The following ANKRD11 variants were observed in gnomAD, a reference collection of about 807,000 sequenced individuals.
ANKRD11 encodes ankyrin repeat domain 11, also known as ankyrin repeat domain-containing protein 11.
A neutral mutation model predicts 195.7 loss-of-function variants in ANKRD11; 17 were observed. The observed-to-expected ratio is 0.09, with a 90% CI of 0.06 to 0.13. The LOEUF (loss-of-function observed/expected upper bound fraction) is 0.13. ANKRD11 is among the 10% of genes least tolerant of loss of function. The pLI is 1.00. For missense variants in ANKRD11, 3,735 were observed against 3,566.1 expected (o/e 1.05, Z -1.21); for synonymous variants, 1,953 against 1,528.1 (o/e 1.28, Z -6.49).
At position 89,490,427 on chromosome 16, in the gene ANKRD11, C is replaced by T; in HGVS notation, c.-327G>A. ...GCGGGAGGCGAGCCCGCCCCTCGGG[C>T]GCGCCCACGGCTCGGGCGAGAGCCG... On this transcript the variant is annotated 5_prime_UTR_variant, in exon 1 of 13. Transcript: ENST00000301030. 6.2e-6 allele frequency: 2 copies of T among 320,848 alleles called. No individual in the cohort carries two copies. The highest frequency in any genetic ancestry group is 2.2e-5 in the African/African-American group (1 of 45,478). 19.9% of individuals were successfully genotyped at this position (320,848 alleles called of 1,614,324 possible).
intron 4 of ANKRD11, chr16:89,300,565 T>C: frequency 2.8e-6 from 1 of 353,150 alleles, no homozygotes; most frequent in Non-Finnish European, 5.1e-6. Flanking sequence ...TTGTCGCCTC[T>C]AGCACTGGGC....
chr16:89,293,803 C>T (rs942441225), intron 4 of ANKRD11, among the ~76,000 whole-genome samples: 1 of 151,976 alleles, frequency 6.6e-6, no homozygotes, highest in African/African-American at 2.4e-5. Context: ...GTTTACATCC[C>T]GAAGTGCAGG....
At chr16:89,472,337 G>C (rs2057113099) in intron 1 of ANKRD11, among the ~76,000 whole-genome samples, 1 of 151,946 alleles carries the variant, frequency 6.6e-6, no homozygotes, top group South Asian at 2.1e-4. Flanking sequence ...AGATCTCTAA[G>C]TCAGGTGCAA....
chr16:89,321,451 G>T (rs866939954), intron 2 of ANKRD11, among the ~76,000 whole-genome samples: 2 of 145,748 alleles, frequency 1.4e-5, no homozygotes, highest in East Asian at 2.0e-4. Context: ...GGTGTGGGGC[G>T]GGAGCTGCGG....
intron 2 of ANKRD11, among the ~76,000 whole-genome samples, chr16:89,367,832 A>G (rs2040014327): frequency 6.6e-6 from 1 of 152,026 alleles, no homozygotes; most frequent in Admixed American, 6.6e-5. Flanking sequence ...ACATGGCGAA[A>G]CCCTGTCTCT....
At chr16:89,273,869 G>A (rs915307357) in intron 11 of ANKRD11, among the ~76,000 whole-genome samples, 1 of 152,094 alleles carries the variant, frequency 6.6e-6, no homozygotes, top group Non-Finnish European at 1.5e-5. Flanking sequence ...GAGTGCCCAG[G>A]GCTGGGGTGG....
intron 3 of ANKRD11, 141 bp from the exon 4 acceptor site, chr16:89,305,485 T>A: frequency 8.0e-7 from 1 of 1,249,160 alleles, no homozygotes; most frequent in South Asian, 1.3e-5. Flanking sequence ...CGTGGCTGTG[T>A]GAGGCTGGTC....
intron 2 of ANKRD11, among the ~76,000 whole-genome samples, chr16:89,416,302 T>TC (rs2042309358): frequency 6.8e-6 from 1 of 147,424 alleles, no homozygotes; most frequent in African/African-American, 2.5e-5. Flanking sequence ...AATCCATCGA[T>TC]TTTTTTTTTT....
At chr16:89,290,910 C>T (rs1055394144) in intron 5 of ANKRD11, 82 bp from the exon 6 acceptor site, 5 of 1,608,940 alleles carry the variant, frequency 3.1e-6, no homozygotes, top group African/African-American at 1.3e-5. Flanking sequence ...AGGCCACCAT[C>T]ACGAGGTCCC....
At chr16:89,286,800 C>G in intron 7 of ANKRD11, 3 of 1,287,226 alleles carry the variant, frequency 2.3e-6, no homozygotes, top group Non-Finnish European at 3.0e-6. Flanking sequence ...CTGTTCATCA[C>G]CAGCAACCTG....
At chr16:89,305,101 G>T in intron 4 of ANKRD11, 105 bp downstream of exon 4, 1 of 1,512,454 alleles carries the variant, frequency 6.6e-7, no homozygotes, top group Non-Finnish European at 8.9e-7. Context: ...GTGCTAGAGT[G>T]CGTCCCAGTG....
intron 3 of ANKRD11, among the ~76,000 whole-genome samples, chr16:89,310,519 C>A (rs982517017): frequency 6.6e-6 from 1 of 152,188 alleles, no homozygotes; most frequent in African/African-American, 2.4e-5. Flanking sequence ...TGAATCTGTA[C>A]ATCAATGTGG....
At chr16:89,413,790 C>T (rs2042190290) in intron 2 of ANKRD11, among the ~76,000 whole-genome samples, 1 of 152,134 alleles carries the variant, frequency 6.6e-6, no homozygotes, top group South Asian at 2.1e-4. Flanking sequence ...GTGAGGGTGC[C>T]AGGGAGACTC....
chr16:89,416,553 A>T (rs2042318466), intron 2 of ANKRD11, among the ~76,000 whole-genome samples: 1 of 152,106 alleles, frequency 6.6e-6, no homozygotes, highest in African/African-American at 2.4e-5. Flanking sequence ...CCACCTTGAC[A>T]TCTCAAAGTG....
chr16:89,461,137 G>C (rs1037742915), intron 1 of ANKRD11, among the ~76,000 whole-genome samples: 1 of 138,158 alleles, frequency 7.2e-6, no homozygotes, highest in African/African-American at 2.8e-5. Context: ...GACGCACCTT[G>C]AGTGGTGACA....
At position 89,279,786 on chromosome 16, in the gene ANKRD11, C is replaced by A; in HGVS notation, c.6756G>T (p.Gly2252=). ...CAGCCTCAGCCCCCTGGTCTCCGCT[C>A]CCCAGTGGGCGCTGTTCTGGGGGAA... ...APVPPEQRPL[G]SGDQGAEAEG... is the part of the protein sequence containing the mutation. Residue 2252 remains glycine, a synonymous_variant, in exon 9 of 13, where the codon GGG becomes GGT. Coordinates refer to ENST00000301030, the MANE Select transcript of ANKRD11 (RefSeq NM_013275.6). This position sits in a 1 kb window ranked among gnomAD's most constrained non-coding sequence, Gnocchi z 5.6. 1 of 1,535,364 alleles carries A rather than the reference C, an allele frequency of 6.5e-7. No homozygotes were observed. The highest frequency in any genetic ancestry group is 8.7e-7 in the Non-Finnish European group (1 of 1,144,896).
At position 89,397,165 on chromosome 16, in the gene ANKRD11, C is replaced by G. The variant is rs534908480; in HGVS notation, c.-60+21119G>C. On this transcript the variant is annotated intron_variant, in intron 2 of 12. Coordinates refer to ENST00000301030, the MANE Select transcript of ANKRD11 (RefSeq NM_013275.6). ...AGCAGACATACCCACAGAGCCAGAG[C>G]TCCTCAGGCTCCTCCACGTCCAACG... Among the ~76,000 whole-genome samples, 4 of 152,290 alleles carry G rather than the reference C, an allele frequency of 2.6e-5. No homozygotes were observed. In the East Asian group the frequency reaches 7.7e-4, roughly 29 times the overall value.
Position 89,275,205 on chromosome 16 carries a change from G to T in ANKRD11, c.7471-14C>A, listed in dbSNP as rs755715348. On this transcript the variant is annotated splice_polypyrimidine_tract_variant and intron_variant, in intron 9 of 12. Coordinates refer to ENST00000301030, the MANE Select transcript of ANKRD11 (RefSeq NM_013275.6). Reference sequence around the variant, plus strand: ...AGGGGGTGCGATCTACAGGCAAAAGGTGAGTGTGGGGGGTCAGCTGGGGCT... The same window carrying T: ...AGGGGGTGCGATCTACAGGCAAAAGTTGAGTGTGGGGGGTCAGCTGGGGCT... The T allele has an allele frequency of 1.3e-6, 2 of 1,596,598 alleles. No individual in the cohort carries two copies. Among genetic ancestry groups the T allele is most frequent in the Non-Finnish European group, 8.5e-7 (1 of 1,171,400 alleles).
chr16:89,384,258 C>T (rs569231937), intron 2 of ANKRD11, among the ~76,000 whole-genome samples: 21 of 152,114 alleles, frequency 1.4e-4, no homozygotes, highest in South Asian at 4.2e-4. Context: ...AGGCTGGGCA[C>T]GGTGGCTCAC....
Sources: allele counts gnomAD v4.1 joint callset (sites outside exome capture counted in the v4.1 genomes callset), GRCh38; gene constraint gnomAD v4.1.1; non-coding constraint Gnocchi (gnomAD v3.1); transcripts MANE v1.5; gene names NCBI Gene and HGNC (gene_info 2026-07-23, HGNC 2026-07-21).